The following EIF2S2 variants were observed in gnomAD, a reference collection of about 807,000 sequenced individuals.
The protein encoded by EIF2S2 is eukaryotic translation initiation factor 2 subunit 2.
A neutral mutation model predicts 44.0 loss-of-function variants in EIF2S2; 4 were observed. That is an observed-to-expected ratio of 0.09 (90% CI 0.04 to 0.21). The LOEUF (loss-of-function observed/expected upper bound fraction) is 0.21. EIF2S2 is among the 10% of genes least tolerant of loss of function. The pLI is 1.00. For missense variants in EIF2S2, 154 were observed against 392.0 expected, an observed-to-expected ratio of 0.39 and a Z score of 5.13; for synonymous variants, 108 against 128.3, an observed-to-expected ratio of 0.84 and a Z score of 1.07.
chr20:34,104,213 C>T (rs1412449805), intron 2 of EIF2S2, among the ~76,000 whole-genome samples: 1 of 152,218 alleles, frequency 6.6e-6, no homozygotes, highest in African/African-American at 2.4e-5. Flanking sequence ...GCCTTCCTCA[C>T]TTCAATCCCT....
intron 7 of EIF2S2, among the ~76,000 whole-genome samples, chr20:34,093,113 G>C (rs948378866): frequency 6.6e-6 from 1 of 152,188 alleles, no homozygotes; most frequent in Non-Finnish European, 1.5e-5. Context: ...TATTTTTAAA[G>C]GGACATTAGG....
intron 6 of EIF2S2, among the ~76,000 whole-genome samples, chr20:34,096,370 CAGG>C (rs2034228960): frequency 6.6e-6 from 1 of 152,118 alleles, no homozygotes; most frequent in African/African-American, 2.4e-5. Context: ...GAGGCTGAAG[CAGG>C]AGAACTGCTG....
In EIF2S2 at chr20:34,105,380, T is replaced by G; in HGVS notation, c.181A>C (p.Thr61Pro). The part of the protein sequence containing the change: ...DKDLEADEED[T>P]RKKDASDDLD... ...ATCAACCACGCACCTTTTTTCCTAG[T>G]GTCCTCTTCATCAGCTTCCAAATCC... The change falls in exon 2 of 9, where the codon ACT becomes CCT. Residue 61 changes from threonine to proline, a missense_variant. Physicochemically the swap from Thr to Pro is conservative, Grantham distance 38. Transcript: ENST00000374980. 6.2e-7 allele frequency: 1 copy of G among 1,612,162 alleles called. No homozygotes were observed. Among genetic ancestry groups the G allele is most frequent in the Non-Finnish European group, 8.5e-7 (1 of 1,179,424 alleles).
At chr20:34,111,200 C>T (rs1006329719) in intron 1 of EIF2S2, among the ~76,000 whole-genome samples, 1 of 152,190 alleles carries the variant, frequency 6.6e-6, no homozygotes, top group Non-Finnish European at 1.5e-5. Context: ...TTCCTGTGAG[C>T]ACATTTACTG....
At chr20:34,102,231 T>A (rs1257084256) in intron 3 of EIF2S2, among the ~76,000 whole-genome samples, 1 of 152,180 alleles carries the variant, frequency 6.6e-6, no homozygotes, top group Non-Finnish European at 1.5e-5. Flanking sequence ...CTGTAGCACA[T>A]CTCTACATGT....
chr20:34,106,280 G>T (rs2034348555), intron 1 of EIF2S2, among the ~76,000 whole-genome samples: 1 of 151,980 alleles, frequency 6.6e-6, no homozygotes, highest in Non-Finnish European at 1.5e-5. Flanking sequence ...AGACTTGAGA[G>T]ACTTTTGACC....
chr20:34,094,049 CCTGT>C (rs780062777), intron 6 of EIF2S2, among the ~76,000 whole-genome samples: 135 of 152,250 alleles, frequency 8.9e-4, no homozygotes, highest in Non-Finnish European at 1.5e-3. Context: ...TGCCACCATG[CCTGT>C]CTAATTCTTT....
At chr20:34,096,180 A>G (rs1264620473) in intron 6 of EIF2S2, among the ~76,000 whole-genome samples, 1 of 151,612 alleles carries the variant, frequency 6.6e-6, no homozygotes, top group Admixed American at 6.6e-5. Context: ...TCTTCACTAC[A>G]TCTAGTTAGG....
intron 3 of EIF2S2, among the ~76,000 whole-genome samples, chr20:34,100,624 A>G (rs1471444736): frequency 1.3e-5 from 2 of 152,122 alleles, no homozygotes; most frequent in African/African-American, 4.8e-5. Context: ...AGCAGTTGTG[A>G]GCCAAGAACG....
intron 4 of EIF2S2, among the ~76,000 whole-genome samples, chr20:34,098,022 G>T (rs1199699226): frequency 6.6e-6 from 1 of 152,128 alleles, no homozygotes; most frequent in East Asian, 1.9e-4. Flanking sequence ...GAGGCGGACG[G>T]ATCACCTGAG....
At chr20:34,091,776 T>G (rs7509313) in intron 7 of EIF2S2, among the ~76,000 whole-genome samples, 95 of 95,806 alleles carry the variant, frequency 9.9e-4, no homozygotes, top group South Asian at 1.4e-3. Flanking sequence ...TTTATTTTTT[T>G]GGGGGGGGGG....
chr20:34,098,441 G>A (rs1029272052), intron 4 of EIF2S2, 57 bp downstream of exon 4: 6 of 1,597,166 alleles, frequency 3.8e-6, no homozygotes, highest in Non-Finnish European at 3.4e-6. Flanking sequence ...CCATCAAGGA[G>A]ACCAGGGCCA....
At chr20:34,108,532 C>G (rs943210520) in intron 1 of EIF2S2, among the ~76,000 whole-genome samples, 3 of 152,216 alleles carry the variant, frequency 2.0e-5, no homozygotes, top group African/African-American at 7.2e-5. Context: ...AAGCTGACTA[C>G]ACTCCAAATT....
intron 7 of EIF2S2, 37 bp downstream of exon 7, chr20:34,093,638 C>T (rs765724459): frequency 6.6e-7 from 1 of 1,525,286 alleles, no homozygotes; most frequent in Non-Finnish European, 8.9e-7. Flanking sequence ...TATGAAATGT[C>T]CAGCAGTACT....
chr20:34,111,185 T>C (rs2034407859), intron 1 of EIF2S2, among the ~76,000 whole-genome samples: 1 of 152,220 alleles, frequency 6.6e-6, no homozygotes, highest in African/African-American at 2.4e-5. Context: ...TGGAGATTAT[T>C]CTACTTCCTG....
intron 1 of EIF2S2, among the ~76,000 whole-genome samples, chr20:34,107,811 T>A (rs552275793): frequency 2.0e-5 from 3 of 152,220 alleles, no homozygotes; most frequent in African/African-American, 7.2e-5. Context: ...GGTATTTGCA[T>A]AGCATTTTCA....
chr20:34,106,218 C>G (rs1048283075), intron 1 of EIF2S2, among the ~76,000 whole-genome samples: 5 of 151,990 alleles, frequency 3.3e-5, no homozygotes, highest in Admixed American at 3.3e-4. Context: ...CCGCACCTGG[C>G]CAGGGGTATC....
At chr20:34,101,216 A>G (rs1311865449) in intron 3 of EIF2S2, among the ~76,000 whole-genome samples, 3 of 152,310 alleles carry the variant, frequency 2.0e-5, no homozygotes, top group Non-Finnish European at 4.4e-5. Flanking sequence ...AGGCCAAGGC[A>G]GGCGGATCAC....
chr20:34,092,037 T>C (rs752732810), intron 7 of EIF2S2, among the ~76,000 whole-genome samples: 4 of 152,174 alleles, frequency 2.6e-5, no homozygotes, highest in Non-Finnish European at 4.4e-5. Context: ...AGGCTAGATA[T>C]TATCATTCAT....
Sources: allele counts gnomAD v4.1 joint callset (sites outside exome capture counted in the v4.1 genomes callset), GRCh38; gene constraint gnomAD v4.1.1; transcripts MANE v1.5; gene names NCBI Gene and HGNC (gene_info 2026-07-23, HGNC 2026-07-21).